Variants in SFTPD observed in about 807,000 individuals in gnomAD.
SFTPD encodes surfactant protein D.
Under a neutral mutation model 34.6 loss-of-function variants are expected in SFTPD, and 18 were observed. The ratio of observed to expected loss-of-function variants is 0.52; its 90% CI spans 0.36 to 0.77. SFTPD has a LOEUF of 0.77. SFTPD is among the 30% of genes least tolerant of loss of function. The pLI is 0.00. For synonymous variants in SFTPD, 155 were observed against 180.9 expected (o/e 0.86, Z 1.15); for missense variants, 433 against 468.9 (o/e 0.92, Z 0.71).
intron 1 of SFTPD, chr10:79,972,792 G>T (rs141484488): frequency 6.6e-6 from 1 of 152,158 alleles, no homozygotes; most frequent in African/African-American, 2.4e-5. Flanking sequence ...AGGTGAAAAG[G>T]GGACTTGTCC....
At chr10:79,949,950 A>G (rs1357450143), upstream of SFTPD, 3 of 151,584 alleles carry the variant, frequency 2.0e-5, no homozygotes, top group Admixed American at 6.6e-5. Context: ...TCCTGGGCTC[A>G]AGTGATTGTC....
intron 1 of SFTPD, among the ~76,000 whole-genome samples, chr10:79,978,617 ACT>A (rs1333083634): frequency 2.3e-5 from 3 of 133,006 alleles, no homozygotes; most frequent in Non-Finnish European, 4.6e-5. Flanking sequence ...GTGCCACTGC[ACT>A]CTAGCCTGGG....
At chr10:79,979,623 G>A (rs61860420) in intron 1 of SFTPD, among the ~76,000 whole-genome samples, 10,355 of 152,266 alleles carry the variant, frequency 0.068, 562 homozygotes, top group South Asian at 0.2. Context: ...AGCCAAAGAG[G>A]AATTGTCCAT....
upstream of SFTPD, among the ~76,000 whole-genome samples, chr10:79,951,915 G>A (rs1564531668): frequency 6.6e-6 from 1 of 152,216 alleles, no homozygotes; most frequent in Non-Finnish European, 1.5e-5. Flanking sequence ...GGAGCTCATG[G>A]TGAAAGGCAC....
chr10:79,938,480 T>C (rs1374300717), intron 7 of SFTPD, among the ~76,000 whole-genome samples: 2 of 152,036 alleles, frequency 1.3e-5, no homozygotes, highest in Non-Finnish European at 2.9e-5. Flanking sequence ...AGGCTCAAAG[T>C]CACACAAGCA....
At chr10:79,945,128 A>C (rs1180724905) in intron 2 of SFTPD, among the ~76,000 whole-genome samples, 1 of 152,082 alleles carries the variant, frequency 6.6e-6, no homozygotes, top group Non-Finnish European at 1.5e-5. Context: ...CCAGGCCTGG[A>C]ATGTGCATGG....
At chr10:79,942,691 C>T (rs1286669025) in intron 3 of SFTPD, 72 bp downstream of exon 3, 23 of 1,107,508 alleles carry the variant, frequency 2.1e-5, no homozygotes, top group African/African-American at 7.7e-5. Context: ...GGGCTCTGTG[C>T]GTGCCCACTG....
chr10:79,945,770 CT>C (rs1195026350), intron 2 of SFTPD, among the ~76,000 whole-genome samples: 3 of 152,224 alleles, frequency 2.0e-5, no homozygotes, highest in African/African-American at 7.2e-5. Flanking sequence ...CTCAGTGACA[CT>C]GAGGGGCTCT....
At chr10:79,965,539 C>CTTTTTTTTTTTTT (rs149878455) in intron 1 of SFTPD, among the ~76,000 whole-genome samples, 2 of 113,464 alleles carry the variant, frequency 1.8e-5, no homozygotes, top group Non-Finnish European at 3.3e-5. Flanking sequence ...TTTTATTTTT[C>CTTTTTTTTTTTTT]TTTTTTTTTT....
chr10:79,959,629 A>G (rs1052019270), intron 1 of SFTPD, among the ~76,000 whole-genome samples: 7 of 151,982 alleles, frequency 4.6e-5, no homozygotes, highest in African/African-American at 1.7e-4. Flanking sequence ...CCAATAACAG[A>G]CTCTGAAATT....
chr10:79,958,174 T>C (rs186451348), intron 1 of SFTPD, among the ~76,000 whole-genome samples: 167 of 152,230 alleles, frequency 1.1e-3, no homozygotes, highest in African/African-American at 3.7e-3. Context: ...AAGGAACAAC[T>C]GGTACCAGCC....
intron 1 of SFTPD, among the ~76,000 whole-genome samples, chr10:79,960,845 C>G (rs1430626281): frequency 6.6e-6 from 1 of 152,190 alleles, no homozygotes; most frequent in Non-Finnish European, 1.5e-5. Flanking sequence ...CAAGTCAACC[C>G]TAAGCCAAAA....
At chr10:79,954,041 C>A (rs1245975978), upstream of SFTPD, among the ~76,000 whole-genome samples, 1 of 150,600 alleles carries the variant, frequency 6.6e-6, no homozygotes, top group African/African-American at 2.4e-5. Flanking sequence ...CTTTGTTATA[C>A]TTCTAATTTT....
At chr10:79,955,755 G>A (rs1161169677) in intron 1 of SFTPD, among the ~76,000 whole-genome samples, 1 of 152,166 alleles carries the variant, frequency 6.6e-6, no homozygotes, top group Non-Finnish European at 1.5e-5. Context: ...AGAATTCTAG[G>A]CACTTTACTC....
chr10:79,944,929 C>G (rs1842650791), intron 2 of SFTPD, among the ~76,000 whole-genome samples: 1 of 152,034 alleles, frequency 6.6e-6, no homozygotes, highest in Non-Finnish European at 1.5e-5. Flanking sequence ...GTGGTTGTCA[C>G]AAGCACAGAC....
intron 1 of SFTPD, among the ~76,000 whole-genome samples, chr10:79,954,423 A>C (rs1842727776): frequency 6.8e-6 from 1 of 147,148 alleles, no homozygotes; most frequent in African/African-American, 2.5e-5. Flanking sequence ...AGGTGTCCGC[A>C]CATGGAGGAC....
chr10:79,964,174 A>C (rs1348488728), intron 1 of SFTPD, among the ~76,000 whole-genome samples: 2 of 152,184 alleles, frequency 1.3e-5, no homozygotes, highest in Non-Finnish European at 2.9e-5. Flanking sequence ...ATCAATATTT[A>C]TACTGACTCT....
chr10:79,966,696 C>G (rs1339305205), intron 1 of SFTPD, among the ~76,000 whole-genome samples: 4 of 145,622 alleles, frequency 2.7e-5, no homozygotes, highest in Non-Finnish European at 5.9e-5. Flanking sequence ...AGGTTTTCTT[C>G]TAGGGTTTTT....
chr10:79,974,238 G>A (rs957230232), intron 1 of SFTPD, among the ~76,000 whole-genome samples: 2 of 152,174 alleles, frequency 1.3e-5, no homozygotes, highest in South Asian at 4.2e-4. Context: ...CACGATCTCG[G>A]CTCACTGCAA....
Sources: allele counts gnomAD v4.1 joint callset (sites outside exome capture counted in the v4.1 genomes callset), GRCh38; gene constraint gnomAD v4.1.1; transcripts MANE v1.5; gene names NCBI Gene and HGNC (gene_info 2026-07-23, HGNC 2026-07-21).